Variants in MGAM observed in about 807,000 individuals in gnomAD.
MGAM encodes maltase-glucoamylase.
Under a neutral mutation model 358.8 loss-of-function variants are expected in MGAM, and 253 were observed. That is an observed-to-expected ratio of 0.71 (90% CI 0.64 to 0.78). The LOEUF (loss-of-function observed/expected upper bound fraction) is 0.78. Among genes scored for constraint, MGAM ranks in the 30% least tolerant of loss-of-function variants. The pLI is 0.00. For missense variants in MGAM, 3,080 were observed against 3,432.6 expected (o/e 0.90, Z 2.57); for synonymous variants, 1,105 against 1,227.1 (o/e 0.90, Z 2.08).
chr7:142,096,700 G>T (rs551379502), intron 65 of MGAM, among the ~76,000 whole-genome samples: 17 of 152,212 alleles, frequency 1.1e-4, no homozygotes, highest in Admixed American at 2.6e-4. Context: ...CTAAAATAAG[G>T]AATAGAAGAT....
intron 8 of MGAM, among the ~76,000 whole-genome samples, chr7:142,025,886 G>T (rs1237532907): frequency 6.6e-6 from 1 of 152,216 alleles, no homozygotes; most frequent in South Asian, 2.1e-4. Context: ...AATCTAAGAC[G>T]ATTCTAATAG....
chr7:141,989,796 C>CA (rs538875462), intron 2 of MGAM, among the ~76,000 whole-genome samples: 37 of 152,020 alleles, frequency 2.4e-4, no homozygotes, highest in African/African-American at 8.0e-4. Context: ...AAATACTCTC[C>CA]AAAAAAAGAT....
At chr7:142,093,264 G>A in intron 59 of MGAM, 148 bp from the exon 60 acceptor site, 1 of 1,066,120 alleles carries the variant, frequency 9.4e-7, no homozygotes, top group Non-Finnish European at 1.4e-6. Context: ...CAGAGCTGGG[G>A]GCGCTGTGCT....
chr7:142,092,107 G>A (rs13310136), intron 58 of MGAM, 60 bp downstream of exon 58: 4 of 1,521,892 alleles, frequency 2.6e-6, no homozygotes, highest in Non-Finnish European at 1.8e-6. Flanking sequence ...GTGCCTACGT[G>A]TATGTACCAC....
At chr7:142,105,744 C>A in intron 70 of MGAM, 70 bp from the exon 71 acceptor site, 1 of 1,156,508 alleles carries the variant, frequency 8.6e-7, no homozygotes, top group Non-Finnish European at 1.3e-6. Context: ...TGGATACTTG[C>A]ACCTGATTTA....
chr7:142,083,909 G>T (rs1814544906), intron 53 of MGAM, among the ~76,000 whole-genome samples: 1 of 129,500 alleles, frequency 7.7e-6, no homozygotes, highest in Non-Finnish European at 1.6e-5. Flanking sequence ...GGCTATGGTG[G>T]TGGTAGTGGT....
At chr7:142,036,787 G>GC in intron 17 of MGAM, 36 bp from the exon 18 acceptor site, 1 of 1,603,204 alleles carries the variant, frequency 6.2e-7, no homozygotes, top group Non-Finnish European at 8.5e-7. Flanking sequence ...CTATCCTGCA[G>GC]CCAAACCACA....
chr7:142,027,122 C>T lies in MGAM; in HGVS notation c.990C>T (p.Val330=), dbSNP rs976375960. 1 of 1,612,194 alleles carries T rather than the reference C, an allele frequency of 6.2e-7. No individual in the cohort carries two copies. Among genetic ancestry groups the T allele is most frequent in the Non-Finnish European group, 8.5e-7 (1 of 1,178,440 alleles). Residue 330 remains valine (V), a synonymous_variant, in exon 9 of 71, where the codon GTC becomes GTT. Coordinates refer to ENST00000475668, the MANE Select transcript of MGAM (RefSeq NM_001365693.1). ...FLMNSNAMEV[V]LQPAPAITYR... The stretch of plus-strand genomic sequence containing the variant: ...CATTTTTAACCTTTCAAGAGGTTGT[C>T]CTTCAGCCTGCGCCAGCCATCACTT...
At chr7:141,996,879 G>T (rs1804277734) in intron 1 of MGAM, among the ~76,000 whole-genome samples, 1 of 152,068 alleles carries the variant, frequency 6.6e-6, no homozygotes, top group Non-Finnish European at 1.5e-5. Flanking sequence ...GAAAGGTAGG[G>T]TATCTGTCCT....
At chr7:142,077,616 G>C (rs1813850768) in intron 47 of MGAM, among the ~76,000 whole-genome samples, 1 of 145,114 alleles carries the variant, frequency 6.9e-6, no homozygotes, top group African/African-American at 2.4e-5. Flanking sequence ...GAAGTGGAAA[G>C]AAAGATGATT....
intron 13 of MGAM, among the ~76,000 whole-genome samples, 158 bp from the exon 14 acceptor site, chr7:142,032,667 G>T (rs1807612500): frequency 6.6e-6 from 1 of 151,886 alleles, no homozygotes; most frequent in South Asian, 2.1e-4. Context: ...GCCTTCAGTG[G>T]GTAGACAAGA....
At position 142,052,371 on chromosome 7, in the gene MGAM, A is replaced by G. The variant is rs1201888585; in HGVS notation, c.2883A>G (p.Glu961=). Residue 961 remains glutamate (E), a synonymous_variant, in exon 25 of 71, where the codon GAA becomes GAG. Coordinates refer to ENST00000475668, the MANE Select transcript of MGAM (RefSeq NM_001365693.1). The stretch of plus-strand genomic sequence containing the variant: ...AATGGAGCATAAAGATAAGGGATGA[A>G]GAAAAAATAGACTGTTACCCTGATG... The part of the protein sequence containing the change: ...TVEWSIKIRD[E]EKIDCYPDEN... 3 of 1,612,552 alleles carry G rather than the reference A, an allele frequency of 1.9e-6. No homozygotes were observed. The highest frequency in any genetic ancestry group is 2.5e-6 in the Non-Finnish European group (3 of 1,179,278).
chr7:142,102,735 G>A (rs1816546896), intron 69 of MGAM, 56 bp downstream of exon 69: 1 of 1,526,998 alleles, frequency 6.5e-7, no homozygotes, highest in Non-Finnish European at 9.0e-7. Context: ...GGAGGGTGCT[G>A]AATATCGTAA....
chr7:141,990,461 C>T (rs552958011), intron 2 of MGAM, among the ~76,000 whole-genome samples: 3 of 152,138 alleles, frequency 2.0e-5, no homozygotes, highest in East Asian at 1.9e-4. Flanking sequence ...AAATCTATCT[C>T]GTGCTTATGA....
At chr7:142,086,151 C>T in intron 55 of MGAM, 67 bp from the exon 56 acceptor site, 2 of 1,447,156 alleles carry the variant, frequency 1.4e-6, no homozygotes, top group Non-Finnish European at 1.9e-6. Flanking sequence ...GAGGAGTTCT[C>T]CTTCATTCTG....
rs182594797 is a variant in MGAM, at chr7:142,039,466, G to A, written c.2317-649G>A. Among the ~76,000 whole-genome samples, 4 of 151,974 alleles carry A rather than the reference G, an allele frequency of 2.6e-5. No homozygotes were observed. In the East Asian group the frequency reaches 7.8e-4, roughly 29 times the overall value. ...TCACTATCACCAGGACAGAACCAAGGGAATGGTGTAAACCATTCATGAGAA... is the reference window on the plus strand; with the variant it reads ...TCACTATCACCAGGACAGAACCAAGAGAATGGTGTAAACCATTCATGAGAA... On this transcript the variant is annotated intron_variant, in intron 19 of 70. Coordinates refer to ENST00000475668, the MANE Select transcript of MGAM (RefSeq NM_001365693.1).
In MGAM at chr7:142,076,724, G is replaced by C; in HGVS notation, c.5391G>C (p.Glu1797Asp). The C allele has an allele frequency of 1.3e-6, 2 of 1,552,716 alleles. 1 individual carries two copies. Among genetic ancestry groups the C allele is most frequent in the Non-Finnish European group, 1.8e-6 (2 of 1,129,294 alleles). Residue 1797 changes from glutamate (E) to aspartate (D), a missense_variant, in exon 47 of 71, where the codon GAG becomes GAC. Transcript: ENST00000475668. ...YKDPNNLAFN[E>D]IKILGMEEPS... is the part of the protein sequence containing the mutation. ...ACCCCAATAATTTAGCATTCAATGA[G>C]ATTAAAATTCTTGGGATGGAGGAAC...
At chr7:142,032,795 TC>T (rs1400816144) in intron 13 of MGAM, 29 bp from the exon 14 acceptor site, 9 of 1,428,312 alleles carry the variant, frequency 6.3e-6, no homozygotes, top group African/African-American at 1.4e-5. Flanking sequence ...TGTTACTTTT[TC>T]TTAATAGTTT....
intron 12 of MGAM, among the ~76,000 whole-genome samples, 169 bp downstream of exon 12, chr7:142,030,926 G>A (rs1807430798): frequency 6.6e-6 from 1 of 151,940 alleles, no homozygotes; most frequent in African/African-American, 2.4e-5. Flanking sequence ...CCAAGTGCAA[G>A]CCGGCCATCG....
Sources: gnomAD v4.1 joint callset for allele counts (sites outside exome capture counted in the v4.1 genomes callset) on GRCh38, gnomAD v4.1.1 for gene constraint, MANE v1.5 for transcripts, NCBI Gene and HGNC (gene_info 2026-07-23, HGNC 2026-07-21) for gene names.